The following CIMAP2 variants were observed in gnomAD, a reference collection of about 807,000 sequenced individuals.
The protein encoded by CIMAP2 is ciliary microtubule-associated protein 2.
chr1:54,813,987 C>T, the CIMAP2 span: 1 of 1,576,500 alleles, frequency 6.3e-7, no homozygotes, highest in Non-Finnish European at 8.6e-7. Context: ...TGAGTTCACT[C>T]CTATGGCCGG....
chr1:54,811,423 C>CGA, the CIMAP2 span, among the ~76,000 whole-genome samples: 1 of 152,058 alleles, frequency 6.6e-6, no homozygotes, highest in Non-Finnish European at 1.5e-5. Flanking sequence ...GCAGGAAGGG[C>CGA]ATTCCCGGTG....
chr1:54,811,916 C>A, the CIMAP2 span: 3 of 1,614,122 alleles, frequency 1.9e-6, no homozygotes, highest in Non-Finnish European at 2.5e-6. Flanking sequence ...ACAAGCCACA[C>A]CCCCGGCCTC....
At chr1:54,808,431 G>C in the CIMAP2 span, among the ~76,000 whole-genome samples, 1 of 152,144 alleles carries the variant, frequency 6.6e-6, no homozygotes, top group Non-Finnish European at 1.5e-5. Context: ...GGAAGCAGCA[G>C]AGGCTAAGGC....
At chr1:54,810,514 C>T in the CIMAP2 span, among the ~76,000 whole-genome samples, 1 of 152,116 alleles carries the variant, frequency 6.6e-6, no homozygotes, top group African/African-American at 2.4e-5. Flanking sequence ...CCTCTGGGAG[C>T]GAACAAATCT....
the CIMAP2 span, among the ~76,000 whole-genome samples, chr1:54,819,846 T>TTCTTTCTTTCTTTCTTTC: frequency 8.0e-5 from 9 of 113,054 alleles, no homozygotes; most frequent in Admixed American, 3.8e-4. Context: ...TTCTCTTTCT[T>TTCTTTCTTTCTTTCTTTC]TCTTTCCTTC....
chr1:54,819,654 A>C, the CIMAP2 span, among the ~76,000 whole-genome samples: 63 of 152,166 alleles, frequency 4.1e-4, no homozygotes, highest in African/African-American at 1.5e-3. Context: ...TATAGACATG[A>C]GCCACTGTGC....
the CIMAP2 span, among the ~76,000 whole-genome samples, chr1:54,840,604 C>T: frequency 5.9e-5 from 9 of 152,114 alleles, no homozygotes; most frequent in African/African-American, 2.2e-4. Flanking sequence ...CCACCAGCAA[C>T]GTATGAGGGG....
At chr1:54,840,394 C>T in the CIMAP2 span, among the ~76,000 whole-genome samples, 724 of 152,296 alleles carry the variant, frequency 4.8e-3, 5 homozygotes, top group African/African-American at 0.016. Context: ...AGTTGAGGGA[C>T]ATTTGGATTG....
chr1:54,811,711 C>G, the CIMAP2 span: 53 of 1,395,820 alleles, frequency 3.8e-5, no homozygotes, highest in Non-Finnish European at 4.8e-5. Flanking sequence ...TTGGGGATGG[C>G]AATCTCAGGT....
At chr1:54,824,316 C>T in the CIMAP2 span, among the ~76,000 whole-genome samples, 2 of 152,198 alleles carry the variant, frequency 1.3e-5, no homozygotes, top group Non-Finnish European at 2.9e-5. Flanking sequence ...GTGTGAGCAA[C>T]CATGCCTGAC....
At chr1:54,813,033 C>A in the CIMAP2 span, among the ~76,000 whole-genome samples, 1 of 152,182 alleles carries the variant, frequency 6.6e-6, no homozygotes, top group Non-Finnish European at 1.5e-5. Context: ...CCAGACCTCC[C>A]CATGACCAGC....
chr1:54,813,911 G>T, the CIMAP2 span: 1 of 1,613,586 alleles, frequency 6.2e-7, no homozygotes, highest in South Asian at 1.1e-5. Flanking sequence ...AAACTTCCCC[G>T]AAACCCGAAA....
the CIMAP2 span, chr1:54,813,995 C>T: frequency 3.3e-5 from 52 of 1,564,370 alleles, no homozygotes; most frequent in Middle Eastern, 5.2e-4. Context: ...CTCCTATGGC[C>T]GGCCTTCCTC....
At chr1:54,810,623 G>A in the CIMAP2 span, among the ~76,000 whole-genome samples, 1 of 152,192 alleles carries the variant, frequency 6.6e-6, no homozygotes, top group East Asian at 1.9e-4. Context: ...GGTAGGGCAT[G>A]GCTGAGCCAT....
the CIMAP2 span, among the ~76,000 whole-genome samples, chr1:54,822,670 A>AT: frequency 6.6e-6 from 1 of 151,870 alleles, no homozygotes; most frequent in Non-Finnish European, 1.5e-5. Flanking sequence ...TGCCCAAGTA[A>AT]TTTTTTTGTA....
At chr1:54,810,729 C>G in the CIMAP2 span, among the ~76,000 whole-genome samples, 1 of 152,216 alleles carries the variant, frequency 6.6e-6, no homozygotes, top group South Asian at 2.1e-4. Flanking sequence ...ACTTTTCACT[C>G]TGCCTACAAA....
At chr1:54,832,009 A>G in the CIMAP2 span, among the ~76,000 whole-genome samples, 1 of 152,168 alleles carries the variant, frequency 6.6e-6, no homozygotes, top group African/African-American at 2.4e-5. Context: ...ACCACGCCCA[A>G]CTAATTGTTG....
chr1:54,827,058 G>A, the CIMAP2 span, among the ~76,000 whole-genome samples: 9 of 152,218 alleles, frequency 5.9e-5, no homozygotes, highest in Non-Finnish European at 1.2e-4. Flanking sequence ...CATATGAAAT[G>A]AAACACTTTT....
At chr1:54,822,776 G>A in the CIMAP2 span, among the ~76,000 whole-genome samples, 1 of 152,200 alleles carries the variant, frequency 6.6e-6, no homozygotes, top group East Asian at 1.9e-4. Flanking sequence ...AAAGTGCTGG[G>A]ATTCCAGGCA....
Sources: gnomAD v4.1 joint callset for allele counts (sites outside exome capture counted in the v4.1 genomes callset) on GRCh38, gnomAD v4.1.1 for gene constraint, MANE v1.5 for transcripts, NCBI Gene and HGNC (gene_info 2026-07-23, HGNC 2026-07-21) for gene names.